DCC: variants seen among roughly 807,000 people sequenced by gnomAD.
DCC encodes the protein netrin receptor DCC.
DCC carries 58 observed loss-of-function variants against 172.5 expected under a neutral mutation model. That is an observed-to-expected ratio of 0.34 (90% CI 0.27 to 0.42). The LOEUF is 0.42. Among genes scored for constraint, DCC ranks in the 10% least tolerant of loss-of-function variants. The pLI is 1.00. For synonymous variants in DCC, 709 were observed against 644.5 expected (o/e 1.10, Z -1.52); for missense variants, 1,740 against 1,791.0 (o/e 0.97, Z 0.51).
At chr18:52,864,057 T>G (rs896412577) in intron 2 of DCC, among the ~76,000 whole-genome samples, 1 of 152,156 alleles carries the variant, frequency 6.6e-6, no homozygotes, top group African/African-American at 2.4e-5. Flanking sequence ...AATATACAAA[T>G]AGACATGTAT....
chr18:52,809,159 G>A (rs2038145953), intron 2 of DCC: 1 of 152,048 alleles, frequency 6.6e-6, no homozygotes, highest in African/African-American at 2.4e-5. Context: ...GGAATTTGAG[G>A]GCATCTTTAG....
intron 23 of DCC, among the ~76,000 whole-genome samples, chr18:53,453,238 T>C (rs1169631690): frequency 6.6e-6 from 1 of 152,150 alleles, no homozygotes; most frequent in Non-Finnish European, 1.5e-5. Flanking sequence ...TTTTTTGTTA[T>C]TTGTTCCATT....
intron 1 of DCC, among the ~76,000 whole-genome samples, chr18:52,557,029 A>T (rs1157559731): frequency 1.3e-5 from 2 of 152,218 alleles, no homozygotes; most frequent in Non-Finnish European, 2.9e-5. Flanking sequence ...CGGTAAGGAT[A>T]ACTTTTTAAG....
At chr18:53,344,075 C>A (rs939455810) in intron 15 of DCC, among the ~76,000 whole-genome samples, 4 of 151,786 alleles carry the variant, frequency 2.6e-5, no homozygotes, top group South Asian at 2.1e-4. Context: ...AAAGAAAGAG[C>A]CTTTGACATT....
intron 12 of DCC, among the ~76,000 whole-genome samples, chr18:53,284,410 T>G (rs1470461394): frequency 6.6e-6 from 1 of 152,132 alleles, no homozygotes; most frequent in Non-Finnish European, 1.5e-5. Context: ...TTTGTGATAG[T>G]GAGTACGTCT....
chr18:53,511,871 C>T (rs975195271), intron 27 of DCC, among the ~76,000 whole-genome samples: 2 of 152,310 alleles, frequency 1.3e-5, no homozygotes, highest in East Asian at 1.9e-4. Context: ...AACTGCAAGG[C>T]GGCAGCGAGG....
intron 1 of DCC, among the ~76,000 whole-genome samples, chr18:52,617,056 T>C (rs2034395504): frequency 6.6e-6 from 1 of 152,140 alleles, no homozygotes; most frequent in Non-Finnish European, 1.5e-5. Context: ...AGAATTAGAC[T>C]AGGTGAATAT....
At chr18:53,143,483 T>G (rs1462135165) in intron 7 of DCC, among the ~76,000 whole-genome samples, 1 of 152,212 alleles carries the variant, frequency 6.6e-6, no homozygotes, top group Non-Finnish European at 1.5e-5. Context: ...AGTTTACGTG[T>G]TTGGCTCATG....
At chr18:53,094,821 T>C (rs1314106119) in intron 7 of DCC, among the ~76,000 whole-genome samples, 5 of 152,166 alleles carry the variant, frequency 3.3e-5, no homozygotes, top group African/African-American at 1.2e-4. Flanking sequence ...ATTATTCTAA[T>C]TATATTTTTC....
chr18:52,964,928 A>G (rs1043712797), intron 5 of DCC: 6 of 152,112 alleles, frequency 3.9e-5, no homozygotes, highest in African/African-American at 1.4e-4. Flanking sequence ...CTATTATGCC[A>G]TCTTCCAAGC....
intron 1 of DCC, among the ~76,000 whole-genome samples, chr18:52,374,039 C>T (rs547849957): frequency 2.6e-5 from 4 of 151,848 alleles, no homozygotes; most frequent in African/African-American, 9.7e-5. Flanking sequence ...CTACAGGCGC[C>T]CGCCACCACG....
chr18:52,687,991 G>C (rs1223147389), intron 1 of DCC, among the ~76,000 whole-genome samples: 1 of 152,064 alleles, frequency 6.6e-6, no homozygotes, highest in African/African-American at 2.4e-5. Context: ...TTGATTCAAG[G>C]CTGTTTCATG....
At chr18:52,784,821 A>G (rs754956010) in intron 2 of DCC, among the ~76,000 whole-genome samples, 2 of 151,818 alleles carry the variant, frequency 1.3e-5, no homozygotes, top group African/African-American at 4.8e-5. Context: ...GAAAGAACTC[A>G]GGACCCAGAC....
intron 2 of DCC, among the ~76,000 whole-genome samples, chr18:52,826,051 T>C (rs1304609202): frequency 6.6e-6 from 1 of 152,258 alleles, no homozygotes; most frequent in South Asian, 2.1e-4. Context: ...AGCACTTGAA[T>C]AATAAAATGT....
intron 7 of DCC, among the ~76,000 whole-genome samples, chr18:53,144,643 T>C (rs929622352): frequency 6.6e-6 from 1 of 152,156 alleles, no homozygotes; most frequent in Non-Finnish European, 1.5e-5. Flanking sequence ...AGATGAGGTT[T>C]GGGTGGGGAC....
rs148808783 is a variant in DCC at position 53,421,474 on chromosome 18, C to G, written c.3163+5318C>G. 3.9e-4 allele frequency among the ~76,000 whole-genome samples: 59 copies of G among 152,264 alleles called. No homozygotes were observed. In the East Asian group the frequency reaches 0.01, roughly 26 times the overall value. On this transcript the variant is annotated intron_variant, in intron 21 of 28. Transcript: ENST00000442544. ...GAAACACTAGACCTAGAGAAGAGGC[C>G]TACGTACATAGGGCAGTTTACAGAT...
chr18:52,471,500 T>G (rs1263068893), intron 1 of DCC, among the ~76,000 whole-genome samples: 1 of 152,234 alleles, frequency 6.6e-6, no homozygotes, highest in Non-Finnish European at 1.5e-5. Flanking sequence ...GATTACATTC[T>G]ATCGACTTAG....
chr18:53,229,180 TG>T (rs2056085682), intron 12 of DCC, among the ~76,000 whole-genome samples: 1 of 152,122 alleles, frequency 6.6e-6, no homozygotes, highest in South Asian at 2.1e-4. Flanking sequence ...ACTTTTGTAA[TG>T]GAATAAAATC....
intron 2 of DCC, among the ~76,000 whole-genome samples, chr18:52,755,469 A>G (rs2037063419): frequency 3.3e-5 from 5 of 152,224 alleles, no homozygotes; most frequent in Admixed American, 2.6e-4. Context: ...AAAATCTCAT[A>G]TTAGATTGTA....
Sources: gnomAD v4.1 joint callset for allele counts (sites outside exome capture counted in the v4.1 genomes callset) on GRCh38, gnomAD v4.1.1 for gene constraint, MANE v1.5 for transcripts, NCBI Gene and HGNC (gene_info 2026-07-23, HGNC 2026-07-21) for gene names.